SORL1: variants seen among roughly 807,000 people sequenced by gnomAD.
SORL1 encodes the protein sortilin related receptor 1.
A neutral mutation model predicts 273.7 loss-of-function variants in SORL1; 127 were observed. The ratio of observed to expected loss-of-function variants is 0.46; its 90% CI spans 0.40 to 0.54. SORL1 has a LOEUF of 0.54. Ranked by LOEUF, SORL1 falls within the 20% of genes least tolerant of loss-of-function variation. The pLI, the probability that SORL1 is intolerant of heterozygous loss-of-function variation, is 0.00. For missense variants in SORL1, 2,494 were observed against 2,846.1 expected, an observed-to-expected ratio of 0.88 and a Z score of 2.81; for synonymous variants, 1,031 against 1,067.4, an observed-to-expected ratio of 0.97 and a Z score of 0.66.
chr11:121,494,912 G>A (rs1024142374), intron 5 of SORL1, among the ~76,000 whole-genome samples: 1 of 152,090 alleles, frequency 6.6e-6, no homozygotes, highest in Non-Finnish European at 1.5e-5. Flanking sequence ...ACTTCTAATT[G>A]TGGAAAAGAA....
At chr11:121,583,799 C>T (rs1460905248) in intron 26 of SORL1, among the ~76,000 whole-genome samples, 1 of 152,134 alleles carries the variant, frequency 6.6e-6, no homozygotes, top group Non-Finnish European at 1.5e-5. Context: ...GCAGTTTGCC[C>T]CACACACAAA....
chr11:121,576,508 C>A (rs932323645), intron 24 of SORL1, among the ~76,000 whole-genome samples: 1 of 152,230 alleles, frequency 6.6e-6, no homozygotes, highest in African/African-American at 2.4e-5. Context: ...TTTCAACATA[C>A]AAATTTGAAG....
In SORL1 at chr11:121,558,595, A is replaced by G. The variant is rs374427654; in HGVS notation, c.2668A>G (p.Met890Val). 6 of 1,614,040 alleles carry G rather than the reference A, an allele frequency of 3.7e-6. No homozygotes were observed. The highest frequency in any genetic ancestry group is 2.7e-5 in the African/African-American group (2 of 75,008). The change falls in exon 20 of 48, where the codon ATG becomes GTG. Residue 890 changes from methionine to valine, a missense_variant. Transcript: ENST00000260197. The stretch of plus-strand genomic sequence containing the variant: ...TTCTGTCCCCATTTTCGCTAGGGTG[A>G]TGTTCTGGACAGACTGGGGAGACCT... Reference protein sequence around the residue: ...ALVLVPQEGVMFWTDWGDLKP... With the variant: ...ALVLVPQEGVVFWTDWGDLKP...
intron 28 of SORL1, among the ~76,000 whole-genome samples, chr11:121,588,930 C>T (rs1404526410): frequency 3.9e-5 from 6 of 152,186 alleles, no homozygotes; most frequent in African/African-American, 1.4e-4. Flanking sequence ...CCACCCAGAT[C>T]ACCTCATTCT....
intron 8 of SORL1, among the ~76,000 whole-genome samples, chr11:121,518,866 A>T (rs896485091): frequency 1.3e-5 from 2 of 151,970 alleles, no homozygotes; most frequent in Non-Finnish European, 2.9e-5. Flanking sequence ...TGGTTGATGG[A>T]GGACAGCGTT....
At chr11:121,617,932 T>C (rs924546515) in intron 41 of SORL1, among the ~76,000 whole-genome samples, 2 of 152,224 alleles carry the variant, frequency 1.3e-5, no homozygotes, top group Non-Finnish European at 2.9e-5. Flanking sequence ...AGTGCAGGGC[T>C]TCTGTCGTGG....
chr11:121,572,111 C>G (rs1450962974), intron 23 of SORL1, among the ~76,000 whole-genome samples: 1 of 152,222 alleles, frequency 6.6e-6, no homozygotes, highest in Non-Finnish European at 1.5e-5. Flanking sequence ...CAGGGAGATA[C>G]AAACCAGATG....
chr11:121,588,966 C>T (rs755838797), intron 28 of SORL1, among the ~76,000 whole-genome samples: 1 of 152,184 alleles, frequency 6.6e-6, no homozygotes, highest in Non-Finnish European at 1.5e-5. Context: ...AAGCCCTTAT[C>T]TCTAAATACA....
chr11:121,462,673 C>G (rs1365627559), intron 1 of SORL1, among the ~76,000 whole-genome samples: 2 of 152,192 alleles, frequency 1.3e-5, no homozygotes, highest in Non-Finnish European at 2.9e-5. Flanking sequence ...CGGCCTCGAT[C>G]TCTTGGGCAC....
chr11:121,616,616 G>C (rs988738494), intron 41 of SORL1, among the ~76,000 whole-genome samples: 7 of 152,174 alleles, frequency 4.6e-5, no homozygotes, highest in Non-Finnish European at 1.0e-4. Flanking sequence ...TTTGCTTTGG[G>C]ACCCCTTTGA....
At chr11:121,478,362 G>A in intron 3 of SORL1, 119 bp downstream of exon 3, 1 of 1,199,720 alleles carries the variant, frequency 8.3e-7, no homozygotes, top group Non-Finnish European at 1.1e-6. Context: ...CATGACTGGT[G>A]GCTAGTGAGT....
At chr11:121,529,892 T>C (rs1442024382) in intron 11 of SORL1, among the ~76,000 whole-genome samples, 1 of 152,236 alleles carries the variant, frequency 6.6e-6, no homozygotes, top group East Asian at 1.9e-4. Flanking sequence ...CTGTTCCTTC[T>C]GTCCTCTCTC....
intron 47 of SORL1, among the ~76,000 whole-genome samples, chr11:121,628,673 T>A (rs192728051): frequency 1.3e-5 from 2 of 152,204 alleles, no homozygotes; most frequent in Non-Finnish European, 2.9e-5. Context: ...TAAATGCTAA[T>A]AGAGATAGTA....
At chr11:121,590,678 A>G (rs1863197389) in intron 30 of SORL1, 1 of 627,474 alleles carries the variant, frequency 1.6e-6, no homozygotes, top group Non-Finnish European at 2.9e-6. Context: ...TTGCCTCAGT[A>G]GGAATTCTCT....
chr11:121,559,424 T>A (rs1436980544), intron 20 of SORL1, 95 bp from the exon 21 acceptor site: 1 of 1,287,074 alleles, frequency 7.8e-7, no homozygotes, highest in African/African-American at 1.5e-5. Flanking sequence ...CCAATAAATG[T>A]TAGTTGTCTC....
At chr11:121,588,184 G>C in intron 28 of SORL1, 33 bp downstream of exon 28, 1 of 1,609,332 alleles carries the variant, frequency 6.2e-7, no homozygotes, top group Non-Finnish European at 8.5e-7. Context: ...GGTGACTCAC[G>C]GTCACTAAAG....
chr11:121,521,110 A>T (rs572120428), intron 9 of SORL1, among the ~76,000 whole-genome samples: 8 of 150,404 alleles, frequency 5.3e-5, no homozygotes, highest in Non-Finnish European at 8.9e-5. Flanking sequence ...CTACTTGTTT[A>T]GTTAGACCAT....
intron 32 of SORL1, among the ~76,000 whole-genome samples, chr11:121,601,586 T>TG (rs1278761315): frequency 6.6e-6 from 1 of 150,754 alleles, no homozygotes; most frequent in Non-Finnish European, 1.5e-5. Context: ...AATGATTGTT[T>TG]TTTTTTTTTT....
intron 6 of SORL1, among the ~76,000 whole-genome samples, chr11:121,502,886 T>C (rs1039392430): frequency 3.9e-5 from 6 of 152,196 alleles, no homozygotes; most frequent in East Asian, 3.8e-4. Context: ...TTTATTTTTT[T>C]GAGTTGGGGG....
Sources: allele counts gnomAD v4.1 joint callset (sites outside exome capture counted in the v4.1 genomes callset), GRCh38; gene constraint gnomAD v4.1.1; transcripts MANE v1.5; gene names NCBI Gene and HGNC (gene_info 2026-07-23, HGNC 2026-07-21).